Variants in LRMDA observed in about 807,000 individuals in gnomAD.
LRMDA encodes leucine rich melanocyte differentiation associated.
A neutral mutation model predicts 29.8 loss-of-function variants in LRMDA; 18 were observed. The ratio of observed to expected loss-of-function variants is 0.60; its 90% CI spans 0.42 to 0.90. The LOEUF (loss-of-function observed/expected upper bound fraction) is 0.90, where lower values mean the gene tolerates loss of function less well. Ranked by LOEUF, LRMDA falls within the 40% of genes least tolerant of loss-of-function variation. LRMDA has a pLI of 0.00. For missense variants in LRMDA, 273 were observed against 273.9 expected (o/e 1.00, Z 0.02); for synonymous variants, 125 against 109.4 (o/e 1.14, Z -0.89).
At chr10:75,836,370 G>A (rs565278298) in intron 2 of LRMDA, among the ~76,000 whole-genome samples, 2 of 152,136 alleles carry the variant, frequency 1.3e-5, no homozygotes, top group Non-Finnish European at 1.5e-5. Flanking sequence ...AAAGAAATCA[G>A]GTCAAGGAAT....
At chr10:76,240,560 A>T (rs1435056065) in intron 5 of LRMDA, among the ~76,000 whole-genome samples, 1 of 149,790 alleles carries the variant, frequency 6.7e-6, no homozygotes, top group Non-Finnish European at 1.5e-5. Flanking sequence ...CACTATGGAA[A>T]ACTGTGGAGA....
At chr10:76,160,977 C>T (rs374609238) in intron 5 of LRMDA, among the ~76,000 whole-genome samples, 1 of 152,222 alleles carries the variant, frequency 6.6e-6, no homozygotes, top group East Asian at 1.9e-4. Flanking sequence ...CACCCGCAAG[C>T]AACCGCAAGG....
chr10:76,503,879 GTTC>G (rs1274441033), intron 6 of LRMDA, among the ~76,000 whole-genome samples: 1 of 146,578 alleles, frequency 6.8e-6, no homozygotes, highest in South Asian at 2.1e-4. Flanking sequence ...TTTGGGGTTG[GTTC>G]TTTTTTTTTT....
intron 6 of LRMDA, among the ~76,000 whole-genome samples, chr10:76,374,039 A>G (rs1399924116): frequency 6.6e-6 from 1 of 152,344 alleles, no homozygotes; most frequent in South Asian, 2.1e-4. Context: ...TCAAATAGGT[A>G]CAGCATAGAT....
chr10:75,749,028 G>A (rs1842922467), intron 2 of LRMDA, among the ~76,000 whole-genome samples: 1 of 151,996 alleles, frequency 6.6e-6, no homozygotes, highest in South Asian at 2.1e-4. Context: ...CTTATATGTG[G>A]ATTTTTTTTC....
At chr10:76,103,909 T>G (rs1275480853) in intron 5 of LRMDA, among the ~76,000 whole-genome samples, 1 of 151,678 alleles carries the variant, frequency 6.6e-6, no homozygotes, top group Non-Finnish European at 1.5e-5. Context: ...GTTAGCCAGG[T>G]GTGGTGGTGG....
chr10:76,156,038 GA>G (rs202098462), intron 5 of LRMDA, among the ~76,000 whole-genome samples: 93 of 151,112 alleles, frequency 6.2e-4, no homozygotes, highest in African/African-American at 2.1e-3. Context: ...CCTTTAACAG[GA>G]AAAAAAAATC....
chr10:75,982,556 A>G (rs907880921), intron 2 of LRMDA, among the ~76,000 whole-genome samples: 1 of 152,144 alleles, frequency 6.6e-6, no homozygotes, highest in Non-Finnish European at 1.5e-5. Flanking sequence ...TTGGGTGGCA[A>G]AAAGTATCTA....
chr10:75,683,292 G>A (rs567867972), intron 2 of LRMDA, among the ~76,000 whole-genome samples: 1 of 152,180 alleles, frequency 6.6e-6, no homozygotes, highest in Admixed American at 6.5e-5. Flanking sequence ...AGAGCACAAA[G>A]GGAAACATGT....
chr10:75,679,928 A>T (rs1283651888), intron 2 of LRMDA, among the ~76,000 whole-genome samples: 1 of 152,192 alleles, frequency 6.6e-6, no homozygotes. Flanking sequence ...CCCTTAAATT[A>T]TCTTAAAGAA....
At chr10:75,620,739 C>G (rs1442164642) in intron 2 of LRMDA, among the ~76,000 whole-genome samples, 1 of 152,206 alleles carries the variant, frequency 6.6e-6, no homozygotes, top group African/African-American at 2.4e-5. Flanking sequence ...CTGTGAGTTA[C>G]TCCTGTAATA....
intron 5 of LRMDA, among the ~76,000 whole-genome samples, chr10:76,195,735 G>T (rs1292643257): frequency 6.6e-6 from 1 of 152,316 alleles, no homozygotes; most frequent in East Asian, 1.9e-4. Flanking sequence ...TTCATCTGGG[G>T]CATTTAGTTC....
chr10:75,948,520 T>C (rs1410936341), intron 2 of LRMDA, among the ~76,000 whole-genome samples: 1 of 152,180 alleles, frequency 6.6e-6, no homozygotes, highest in African/African-American at 2.4e-5. Flanking sequence ...GCTGGGATAA[T>C]GCACTGTTCC....
chr10:75,566,268 C>A (rs1413432895), intron 2 of LRMDA, among the ~76,000 whole-genome samples: 1 of 152,182 alleles, frequency 6.6e-6, no homozygotes, highest in Non-Finnish European at 1.5e-5. Flanking sequence ...CTCTACCAAA[C>A]TTCCTGAAAG....
chr10:75,940,892 A>G (rs1014826098), intron 2 of LRMDA, among the ~76,000 whole-genome samples: 1 of 151,944 alleles, frequency 6.6e-6, no homozygotes, highest in African/African-American at 2.4e-5. Context: ...GTGTGTAGCT[A>G]TTTCACTGAG....
At chr10:76,468,406 C>G (rs1465850877) in intron 6 of LRMDA, among the ~76,000 whole-genome samples, 1 of 152,154 alleles carries the variant, frequency 6.6e-6, no homozygotes, top group Non-Finnish European at 1.5e-5. Context: ...GCTTGCTTTT[C>G]ATTAATAATT....
rs566866709 is a variant in LRMDA at position 76,423,962 on chromosome 10, C to A, written c.601+99477C>A. Among the ~76,000 whole-genome samples, 17 of 152,272 alleles carry A rather than the reference C, an allele frequency of 1.1e-4. No individual in the cohort carries two copies. In the South Asian group the frequency reaches 3.5e-3, roughly 32 times the overall value. On this transcript the variant is annotated intron_variant, in intron 6 of 6. Coordinates refer to ENST00000611255, the MANE Select transcript of LRMDA (RefSeq NM_001305581.2). ...GAGGGAAAATATCACAGAGTATGCTCTGATTCCTAGAGGGCCAGAGGGGCT... is the reference window on the plus strand; with the variant it reads ...GAGGGAAAATATCACAGAGTATGCTATGATTCCTAGAGGGCCAGAGGGGCT...
At chr10:75,798,669 A>C (rs1843695737) in intron 2 of LRMDA, among the ~76,000 whole-genome samples, 1 of 152,064 alleles carries the variant, frequency 6.6e-6, no homozygotes, top group African/African-American at 2.4e-5. Context: ...GTTTTTATTA[A>C]TGTAACATTA....
chr10:75,887,003 G>A (rs1320497544), intron 2 of LRMDA, among the ~76,000 whole-genome samples: 6 of 152,068 alleles, frequency 3.9e-5, no homozygotes, highest in South Asian at 2.1e-4. Context: ...GTTCTGGGCC[G>A]CTATTTGATA....
Sources: gnomAD v4.1 joint callset for allele counts (sites outside exome capture counted in the v4.1 genomes callset) on GRCh38, gnomAD v4.1.1 for gene constraint, MANE v1.5 for transcripts, NCBI Gene and HGNC (gene_info 2026-07-23, HGNC 2026-07-21) for gene names.